CNTNAP5: variants seen among roughly 807,000 people sequenced by gnomAD.
CNTNAP5 encodes contactin associated protein family member 5.
In CNTNAP5, 72 loss-of-function variants were observed where a neutral mutation model predicts 150.2. That is an observed-to-expected ratio of 0.48 (90% CI 0.40 to 0.58). CNTNAP5 has a LOEUF of 0.58. CNTNAP5 is among the 20% of genes least tolerant of loss of function. CNTNAP5 has a pLI of 0.00. For synonymous variants in CNTNAP5, 672 were observed against 619.8 expected (o/e 1.08, Z -1.25); for missense variants, 1,636 against 1,626.2 (o/e 1.01, Z -0.10).
chr2:124,567,638 G>A (rs953020703), intron 11 of CNTNAP5, among the ~76,000 whole-genome samples: 1 of 152,164 alleles, frequency 6.6e-6, no homozygotes. Context: ...AATGTTCAAT[G>A]CCTTCCGACT....
At chr2:124,859,099 A>G (rs1677449140) in intron 19 of CNTNAP5, among the ~76,000 whole-genome samples, 1 of 152,060 alleles carries the variant, frequency 6.6e-6, no homozygotes, top group Admixed American at 6.6e-5. Flanking sequence ...AGCAAAAGAA[A>G]CTACCATCAG....
intron 7 of CNTNAP5, among the ~76,000 whole-genome samples, chr2:124,503,524 C>T (rs1694324992): frequency 6.6e-6 from 1 of 152,176 alleles, no homozygotes; most frequent in Admixed American, 6.5e-5. Flanking sequence ...TTAATATTCC[C>T]CATGACCAGT....
intron 12 of CNTNAP5, among the ~76,000 whole-genome samples, chr2:124,627,335 A>G (rs572106394): frequency 3.3e-5 from 5 of 152,278 alleles, no homozygotes; most frequent in South Asian, 2.1e-4. Context: ...CCCAGCGGAC[A>G]TCAGGTCAGT....
chr2:124,475,624 CT>C (rs1406890415), intron 7 of CNTNAP5, among the ~76,000 whole-genome samples: 1 of 151,980 alleles, frequency 6.6e-6, no homozygotes, highest in African/African-American at 2.4e-5. Flanking sequence ...TGGATTCACT[CT>C]TTTATCATTA....
intron 13 of CNTNAP5, among the ~76,000 whole-genome samples, chr2:124,668,770 C>T (rs1460544502): frequency 3.3e-5 from 5 of 151,994 alleles, no homozygotes; most frequent in Admixed American, 2.0e-4. Context: ...TAGTAATTCA[C>T]GTCAATTAAC....
intron 1 of CNTNAP5, among the ~76,000 whole-genome samples, chr2:124,159,219 T>A (rs919782999): frequency 3.9e-5 from 6 of 152,352 alleles, no homozygotes; most frequent in East Asian, 1.9e-4. Context: ...CAGATTTTTT[T>A]AAAAGGTTTA....
At chr2:124,474,645 C>A in intron 6 of CNTNAP5, 94 bp from the exon 7 acceptor site, 1 of 1,049,830 alleles carries the variant, frequency 9.5e-7, no homozygotes, top group Middle Eastern at 2.4e-4. Flanking sequence ...CTCAAGCATA[C>A]AATTGAATCT....
chr2:124,521,029 ACTTG>A (rs1694836892), intron 8 of CNTNAP5, among the ~76,000 whole-genome samples: 1 of 152,206 alleles, frequency 6.6e-6, no homozygotes, highest in African/African-American at 2.4e-5. Context: ...GTACCACTTC[ACTTG>A]CCTTGAAACC....
chr2:124,918,655 C>A lies in CNTNAP5; in HGVS notation c.*4367C>A, dbSNP rs1369749195. ...CTTTAAGCTTCCCCATAGCTACCAT[C>A]CATCAAAACCTCATTGCAGCTGTAG... On this transcript the variant is annotated 3_prime_UTR_variant, in exon 24 of 24. Coordinates refer to ENST00000682447, the MANE Select transcript of CNTNAP5 (RefSeq NM_001367498.1). 6.6e-6 allele frequency among the ~76,000 whole-genome samples: 1 copy of A among 152,082 alleles called. No individual in the cohort carries two copies. Among genetic ancestry groups the A allele is most frequent in the Non-Finnish European group, 1.5e-5 (1 of 68,002 alleles).
intron 1 of CNTNAP5, among the ~76,000 whole-genome samples, chr2:124,116,196 A>G (rs56232447): frequency 0.014 from 2,131 of 152,326 alleles, 27 homozygotes; most frequent in Non-Finnish European, 0.018. Context: ...CAGACTGGAT[A>G]GTAGCTGAGG....
chr2:124,674,509 C>CCCTTTCTTTCTTTCTTTCTT (rs1553430172), intron 13 of CNTNAP5, among the ~76,000 whole-genome samples: 4 of 115,366 alleles, frequency 3.5e-5, no homozygotes, highest in African/African-American at 1.3e-4. Flanking sequence ...TTCTTTCTTT[C>CCCTTTCTTTCTTTCTTTCTT]TCTTTCTTTC....
intron 13 of CNTNAP5, among the ~76,000 whole-genome samples, chr2:124,718,197 T>C (rs80137229): frequency 0.043 from 6,596 of 152,232 alleles, 512 homozygotes; most frequent in African/African-American, 0.15. Flanking sequence ...AGCTTTGAAT[T>C]ATAAAAAATA....
intron 6 of CNTNAP5, among the ~76,000 whole-genome samples, chr2:124,452,271 T>C (rs1693001828): frequency 6.6e-6 from 1 of 151,992 alleles, no homozygotes; most frequent in Non-Finnish European, 1.5e-5. Context: ...GACTGCCCGC[T>C]TTGCCCACTT....
intron 11 of CNTNAP5, among the ~76,000 whole-genome samples, chr2:124,581,522 C>G (rs190675071): frequency 1.3e-5 from 2 of 152,060 alleles, no homozygotes; most frequent in African/African-American, 4.8e-5. Context: ...AGGACTTTGT[C>G]GAATATTGGT....
chr2:124,228,798 A>G (rs1686535504), intron 2 of CNTNAP5, among the ~76,000 whole-genome samples: 1 of 152,140 alleles, frequency 6.6e-6, no homozygotes, highest in Admixed American at 6.6e-5. Context: ...ACTCTTGTCA[A>G]GGAACATCCT....
At position 124,903,039 on chromosome 2, in the gene CNTNAP5, C is replaced by G. The variant is rs1440854192; in HGVS notation, c.3594C>G (p.Ser1198=). 6.2e-7 allele frequency: 1 copy of G among 1,606,770 alleles called. No homozygotes were observed. The highest frequency in any genetic ancestry group is 8.5e-7 in the Non-Finnish European group (1 of 1,176,420). The change falls in exon 22 of 24, where the codon TCC becomes TCG. Residue 1198 remains serine, a synonymous_variant. Transcript: ENST00000682447. ...CTGTCCATGGGACCTTGACGGAATC[C>G]AGCTGTGGCTTCATGGTGGACTCAG... ...PVTVHGTLTE[S]SCGFMVDSDV...
At chr2:124,160,415 A>G (rs1041454732) in intron 1 of CNTNAP5, among the ~76,000 whole-genome samples, 5 of 151,586 alleles carry the variant, frequency 3.3e-5, no homozygotes, top group Admixed American at 3.3e-4. Context: ...GGATAACATT[A>G]AGGTGATCAG....
At chr2:124,246,301 T>A (rs1341915592) in intron 3 of CNTNAP5, among the ~76,000 whole-genome samples, 1 of 151,802 alleles carries the variant, frequency 6.6e-6, no homozygotes, top group Non-Finnish European at 1.5e-5. Context: ...ATTTGGAGAG[T>A]TTCTGATCTG....
intron 6 of CNTNAP5, among the ~76,000 whole-genome samples, chr2:124,472,229 CTT>C (rs1184204231): frequency 6.6e-6 from 1 of 152,002 alleles, no homozygotes; most frequent in Non-Finnish European, 1.5e-5. Flanking sequence ...AAAATACTCT[CTT>C]GTCTGTCACA....
Sources: allele counts gnomAD v4.1 joint callset (sites outside exome capture counted in the v4.1 genomes callset), GRCh38; gene constraint gnomAD v4.1.1; transcripts MANE v1.5; gene names NCBI Gene and HGNC (gene_info 2026-07-23, HGNC 2026-07-21).